Variants in TSHZ2 observed in about 807,000 individuals in gnomAD.
TSHZ2 encodes the protein teashirt zinc finger homeobox 2.
A neutral mutation model predicts 74.4 loss-of-function variants in TSHZ2; 21 were observed. The ratio of observed to expected loss-of-function variants is 0.28; its 90% CI spans 0.20 to 0.41. TSHZ2 has a LOEUF of 0.41. Among genes scored for constraint, TSHZ2 ranks in the 10% least tolerant of loss-of-function variants. The probability of loss-of-function intolerance (pLI) is 1.00; values close to 1 mark genes in which losing one functional copy is unlikely to be tolerated. For synonymous variants in TSHZ2, 540 were observed against 515.3 expected (o/e 1.05, Z -0.65); for missense variants, 1,244 against 1,293.5 (o/e 0.96, Z 0.59).
At chr20:52,984,536 G>A (rs184816776) in intron 1 of TSHZ2, among the ~76,000 whole-genome samples, 195 of 152,332 alleles carry the variant, frequency 1.3e-3, no homozygotes, top group Non-Finnish European at 2.0e-3. Flanking sequence ...GGAACAGGAG[G>A]AGCAGCTGGG....
chr20:53,032,395 CT>C (rs950228809), intron 1 of TSHZ2, among the ~76,000 whole-genome samples: 4 of 152,176 alleles, frequency 2.6e-5, no homozygotes, highest in African/African-American at 7.2e-5. Flanking sequence ...CAAAAAGAAG[CT>C]TTGAAATTTG....
At chr20:53,285,029 C>CT (rs1210177407) in intron 2 of TSHZ2, among the ~76,000 whole-genome samples, 43 of 152,266 alleles carry the variant, frequency 2.8e-4, no homozygotes, top group Admixed American at 2.1e-3. Context: ...AGCTGTTCAG[C>CT]AGAGTCAGAA....
At chr20:53,422,843 C>T (rs865944047) in intron 2 of TSHZ2, among the ~76,000 whole-genome samples, 2 of 152,162 alleles carry the variant, frequency 1.3e-5, no homozygotes, top group African/African-American at 2.4e-5. Context: ...CAGGACTTCA[C>T]GAGCAACATG....
intron 1 of TSHZ2, among the ~76,000 whole-genome samples, chr20:53,017,588 TAAA>T (rs1983086537): frequency 1.3e-5 from 2 of 151,994 alleles, no homozygotes; most frequent in Admixed American, 1.3e-4. Flanking sequence ...TTAAATTAAG[TAAA>T]TATAATAGGG....
At chr20:53,323,729 C>T (rs6063930) in intron 2 of TSHZ2, among the ~76,000 whole-genome samples, 20,727 of 151,608 alleles carry the variant, frequency 0.14, 1,824 homozygotes, top group South Asian at 0.27. Context: ...GCGCACACCA[C>T]CACACCCAGC....
At chr20:53,365,709 C>G (rs1276184869) in intron 2 of TSHZ2, among the ~76,000 whole-genome samples, 1 of 152,202 alleles carries the variant, frequency 6.6e-6, no homozygotes, top group Non-Finnish European at 1.5e-5. Context: ...AGGCTTTCAA[C>G]AAATGTTCTT....
intron 1 of TSHZ2, among the ~76,000 whole-genome samples, chr20:53,048,493 C>A (rs1010987373): frequency 7.2e-5 from 11 of 152,210 alleles, no homozygotes; most frequent in Non-Finnish European, 1.5e-4. Context: ...ACGTTCCGTG[C>A]AATCCATCAT....
intron 1 of TSHZ2, among the ~76,000 whole-genome samples, chr20:53,212,227 C>A (rs1303585750): frequency 6.6e-6 from 1 of 152,070 alleles, no homozygotes; most frequent in Non-Finnish European, 1.5e-5. Context: ...AATGACTTTG[C>A]AATAATTTAA....
chr20:53,029,771 G>A (rs182292391), intron 1 of TSHZ2, among the ~76,000 whole-genome samples: 24 of 152,326 alleles, frequency 1.6e-4, no homozygotes, highest in Admixed American at 9.8e-4. Flanking sequence ...AGTTGCAAAC[G>A]TACAGTATGA....
intron 2 of TSHZ2, among the ~76,000 whole-genome samples, chr20:53,375,095 C>T (rs1981614399): frequency 6.6e-6 from 1 of 152,030 alleles, no homozygotes; most frequent in African/African-American, 2.4e-5. Context: ...CACACACCAG[C>T]CCATCAAACC....
chr20:53,221,879 C>T (rs2123643522), intron 1 of TSHZ2, among the ~76,000 whole-genome samples: 1 of 152,262 alleles, frequency 6.6e-6, no homozygotes, highest in East Asian at 1.9e-4. Context: ...TAATACTTTA[C>T]TGGGTTAGTG....
intron 2 of TSHZ2, among the ~76,000 whole-genome samples, chr20:53,443,799 T>C (rs1984435538): frequency 6.6e-6 from 1 of 152,086 alleles, no homozygotes. Context: ...CTTTGTAGGG[T>C]AGGTCTGAGG....
At chr20:53,411,183 G>A (rs887053269) in intron 2 of TSHZ2, among the ~76,000 whole-genome samples, 2 of 151,964 alleles carry the variant, frequency 1.3e-5, no homozygotes, top group Non-Finnish European at 2.9e-5. Context: ...TGGAGGCTAC[G>A]TTTGACCTGA....
intron 1 of TSHZ2, among the ~76,000 whole-genome samples, chr20:53,137,075 G>A (rs960615337): frequency 9.9e-5 from 15 of 152,170 alleles, no homozygotes; most frequent in Non-Finnish European, 2.1e-4. Flanking sequence ...TGGCGCTTGG[G>A]TTCCGAAAAA....
At chr20:53,016,732 G>A (rs1011118006) in intron 1 of TSHZ2, among the ~76,000 whole-genome samples, 2 of 152,116 alleles carry the variant, frequency 1.3e-5, no homozygotes, top group African/African-American at 4.8e-5. Flanking sequence ...GTAACAAATA[G>A]CCCCTAAGTC....
chr20:53,122,197 A>C (rs1986828776), intron 1 of TSHZ2, among the ~76,000 whole-genome samples: 1 of 150,094 alleles, frequency 6.7e-6, no homozygotes, highest in African/African-American at 2.5e-5. Flanking sequence ...CTAAGGTGGG[A>C]GGGTCGATTG....
intron 1 of TSHZ2, among the ~76,000 whole-genome samples, chr20:53,021,492 C>G (rs188952740): frequency 1.3e-5 from 2 of 152,206 alleles, no homozygotes; most frequent in Non-Finnish European, 2.9e-5. Context: ...TTCCTTTCTT[C>G]CCCTCTACTT....
intron 1 of TSHZ2, among the ~76,000 whole-genome samples, chr20:53,068,790 G>A (rs1354406503): frequency 6.6e-6 from 1 of 151,990 alleles, no homozygotes; most frequent in Admixed American, 6.6e-5. Context: ...AAGAAAAATG[G>A]TCCTTTTCAT....
intron 1 of TSHZ2, among the ~76,000 whole-genome samples, chr20:53,151,677 T>A (rs919777803): frequency 1.3e-5 from 2 of 152,216 alleles, no homozygotes; most frequent in Admixed American, 6.5e-5. Flanking sequence ...AAAAAAACTT[T>A]TGGTATTCAG....
Sources: gnomAD v4.1 joint callset for allele counts (sites outside exome capture counted in the v4.1 genomes callset) on GRCh38, gnomAD v4.1.1 for gene constraint, MANE v1.5 for transcripts, NCBI Gene and HGNC (gene_info 2026-07-23, HGNC 2026-07-21) for gene names.